Variants in ZFAT observed in about 807,000 individuals in gnomAD.
ZFAT encodes zinc finger and AT-hook domain containing.
A neutral mutation model predicts 117.7 loss-of-function variants in ZFAT; 64 were observed. That is an observed-to-expected ratio of 0.54 (90% CI 0.44 to 0.67). ZFAT has a LOEUF of 0.67. ZFAT is among the 30% of genes least tolerant of loss of function. The probability of loss-of-function intolerance (pLI) is 0.00; values close to 1 mark genes in which losing one functional copy is unlikely to be tolerated. For synonymous variants in ZFAT, 679 were observed against 615.0 expected (o/e 1.10, Z -1.54); for missense variants, 1,433 against 1,584.5 (o/e 0.90, Z 1.62).
chr8:134,635,642 AGAGAGG>A (rs1830162570), intron 3 of ZFAT, among the ~76,000 whole-genome samples: 1 of 64,512 alleles, frequency 1.6e-5, no homozygotes, highest in South Asian at 5.6e-4. Flanking sequence ...AGAGTCAGGG[AGAGAGG>A]GAGAGAGAGA....
At chr8:134,585,260 C>T (rs1358709943) in intron 9 of ZFAT, among the ~76,000 whole-genome samples, 1 of 152,128 alleles carries the variant, frequency 6.6e-6, no homozygotes, top group Non-Finnish European at 1.5e-5. Context: ...TCTCGCATTA[C>T]CCTCAGCAGG....
intron 2 of ZFAT, among the ~76,000 whole-genome samples, chr8:134,654,640 C>T (rs1831482208): frequency 6.6e-6 from 1 of 152,190 alleles, no homozygotes. Flanking sequence ...TTGAGGAGCC[C>T]TGCTTTGGGT....
intron 7 of ZFAT, 123 bp downstream of exon 7, chr8:134,600,313 G>T: frequency 1.1e-6 from 1 of 904,286 alleles, no homozygotes; most frequent in Non-Finnish European, 1.9e-6. Context: ...GCTGTGTAAG[G>T]AGAAGGATCT....
intron 15 of ZFAT, among the ~76,000 whole-genome samples, chr8:134,503,915 AACAC>A (rs144794990): frequency 1.3e-4 from 20 of 149,224 alleles, no homozygotes; most frequent in Middle Eastern, 3.5e-3. Context: ...TTTGAACACA[AACAC>A]ACACACACAC....
chr8:134,798,119 A>G, the ZFAT span: 2 of 152,068 alleles, frequency 1.3e-5, no homozygotes, highest in Non-Finnish European at 2.9e-5. Flanking sequence ...ATTTAGAACC[A>G]TAACATTTTC....
At chr8:134,542,568 C>T (rs1173166397) in intron 11 of ZFAT, among the ~76,000 whole-genome samples, 2 of 152,196 alleles carry the variant, frequency 1.3e-5, no homozygotes, top group African/African-American at 4.8e-5. Context: ...TGTGTTATTG[C>T]ACTAATTCAC....
chr8:134,637,003 C>G (rs2131099765), intron 3 of ZFAT, among the ~76,000 whole-genome samples: 1 of 152,356 alleles, frequency 6.6e-6, no homozygotes, highest in South Asian at 2.1e-4. Flanking sequence ...GCACTTTGGC[C>G]CACATGGCCC....
intron 1 of ZFAT, among the ~76,000 whole-genome samples, chr8:134,693,039 GGTGT>G (rs1833656720): frequency 6.6e-6 from 1 of 152,180 alleles, no homozygotes; most frequent in South Asian, 2.1e-4. Flanking sequence ...AGATTGTGTA[GGTGT>G]GTCTTGAATT....
the ZFAT span, among the ~76,000 whole-genome samples, chr8:134,811,941 C>T: frequency 8.5e-5 from 13 of 152,154 alleles, no homozygotes; most frequent in East Asian, 1.9e-4. Context: ...GTCAGGAGTT[C>T]GAGACCAGGC....
chr8:134,818,560 T>C, the ZFAT span, among the ~76,000 whole-genome samples: 7 of 152,180 alleles, frequency 4.6e-5, no homozygotes, highest in Admixed American at 1.3e-4. Context: ...ATAGAACATA[T>C]AGCTACCATA....
the ZFAT span, among the ~76,000 whole-genome samples, chr8:134,762,260 C>A: frequency 1.3e-5 from 2 of 152,268 alleles, no homozygotes; most frequent in East Asian, 3.9e-4. Flanking sequence ...TCTCTACAAA[C>A]CCCTCTTAAT....
At chr8:134,783,749 T>C in the ZFAT span, 3 of 152,188 alleles carry the variant, frequency 2.0e-5, no homozygotes, top group African/African-American at 4.8e-5. Flanking sequence ...CAGTACAGTT[T>C]TAAAAGGCAG....
chr8:134,624,804 G>A (rs141104394), intron 3 of ZFAT, among the ~76,000 whole-genome samples: 2 of 152,180 alleles, frequency 1.3e-5, no homozygotes, highest in African/African-American at 4.8e-5. Flanking sequence ...TTGGAAGCAG[G>A]CAACTAAAGA....
chr8:134,719,986 C>T, the ZFAT span, among the ~76,000 whole-genome samples: 13 of 152,216 alleles, frequency 8.5e-5, no homozygotes, highest in African/African-American at 2.9e-4. Flanking sequence ...GACTTGCTTT[C>T]GCCATGGAAC....
chr8:134,593,019 C>T (rs949996840), intron 7 of ZFAT, among the ~76,000 whole-genome samples: 1 of 152,210 alleles, frequency 6.6e-6, no homozygotes, highest in Non-Finnish European at 1.5e-5. Flanking sequence ...ACAGGCTACA[C>T]CACAGGCTCA....
At chr8:134,559,266 A>G (rs1353751372) in intron 11 of ZFAT, among the ~76,000 whole-genome samples, 1 of 152,212 alleles carries the variant, frequency 6.6e-6, no homozygotes, top group East Asian at 1.9e-4. Flanking sequence ...TTTTGCATGT[A>G]TTCTTGCAGA....
the ZFAT span, among the ~76,000 whole-genome samples, chr8:134,732,765 A>G: frequency 3.0e-4 from 45 of 152,312 alleles, no homozygotes; most frequent in African/African-American, 1.0e-3. Flanking sequence ...GTAAAGCACA[A>G]CTATAGAGAC....
chr8:134,518,367 G>A (rs558936294), intron 13 of ZFAT, among the ~76,000 whole-genome samples: 1 of 152,218 alleles, frequency 6.6e-6, no homozygotes, highest in South Asian at 2.1e-4. Context: ...TCTTCATAAG[G>A]CTGGGCCATT....
chr8:134,513,690 A>G (rs553953148), intron 13 of ZFAT, among the ~76,000 whole-genome samples: 1 of 152,198 alleles, frequency 6.6e-6, no homozygotes, highest in Non-Finnish European at 1.5e-5. Flanking sequence ...GCAAAACTGT[A>G]AGGCTGGATG....
Sources: gnomAD v4.1 joint callset for allele counts (sites outside exome capture counted in the v4.1 genomes callset) on GRCh38, gnomAD v4.1.1 for gene constraint, MANE v1.5 for transcripts, NCBI Gene and HGNC (gene_info 2026-07-23, HGNC 2026-07-21) for gene names.